Variants in PTPRQ observed in about 807,000 individuals in gnomAD.
PTPRQ encodes the protein protein tyrosine phosphatase receptor type Q, also known as phosphatidylinositol phosphatase PTPRQ.
PTPRQ carries 199 observed loss-of-function variants against 246.0 expected under a neutral mutation model. The observed-to-expected ratio is 0.81, with a 90% CI of 0.72 to 0.91. PTPRQ has a LOEUF of 0.91. Among genes scored for constraint, PTPRQ ranks in the 40% least tolerant of loss-of-function variants. The probability of loss-of-function intolerance (pLI) is 0.00; values close to 1 mark genes in which losing one functional copy is unlikely to be tolerated. For missense variants in PTPRQ, 2,624 were observed against 2,528.4 expected (o/e 1.04, Z -0.81); for synonymous variants, 869 against 853.2 (o/e 1.02, Z -0.32).
rs1429780323 is a variant in PTPRQ, at chr12:80,610,595, G to A, written c.4888G>A (p.Ala1630Thr). The A allele has an allele frequency of 6.5e-7, 1 of 1,543,262 alleles. No individual in the cohort carries two copies. Residue 1630 changes from alanine (A) to threonine (T), a missense_variant, in exon 28 of 45, where the codon GCT becomes ACT. Transcript: ENST00000644991. ...SAAYVEGKSS[A>T]EMIVTTLESA... ...TGCATATGTAGAAGGGAAGTCAAGTGCTGAAATGATTGTTACTACTTTAGA... is the reference window on the plus strand; with the variant it reads ...TGCATATGTAGAAGGGAAGTCAAGTACTGAAATGATTGTTACTACTTTAGA...
intron 17 of PTPRQ, among the ~76,000 whole-genome samples, chr12:80,523,787 A>C (rs1895589874): frequency 6.6e-6 from 1 of 152,152 alleles, no homozygotes; most frequent in Non-Finnish European, 1.5e-5. Flanking sequence ...ACTTCCAACT[A>C]TGTGGTCAAT....
At chr12:80,622,720 T>C (rs1185568532) in intron 33 of PTPRQ, among the ~76,000 whole-genome samples, 1 of 152,080 alleles carries the variant, frequency 6.6e-6, no homozygotes, top group Admixed American at 6.6e-5. Context: ...AGACCTGGGT[T>C]CAAATCTTGG....
chr12:80,678,872 C>A (rs1592788871), intron 44 of PTPRQ, 114 bp from the exon 45 acceptor site: 1 of 1,297,878 alleles, frequency 7.7e-7, no homozygotes, highest in Admixed American at 4.3e-5. Flanking sequence ...TTTCTCTAAT[C>A]CAAGTTGGGC....
intron 9 of PTPRQ, among the ~76,000 whole-genome samples, chr12:80,488,321 T>C (rs1265878599): frequency 1.3e-5 from 2 of 151,994 alleles, no homozygotes; most frequent in African/African-American, 2.4e-5. Flanking sequence ...TGAGAGGCCA[T>C]GCACTACACT....
chr12:80,449,699 G>T (rs931216892), intron 3 of PTPRQ, among the ~76,000 whole-genome samples: 2 of 151,994 alleles, frequency 1.3e-5, no homozygotes, highest in African/African-American at 4.8e-5. Context: ...TATGCGGCAT[G>T]ATTTCGGAGG....
chr12:80,550,832 T>C (rs895279816), intron 25 of PTPRQ, among the ~76,000 whole-genome samples: 1 of 152,166 alleles, frequency 6.6e-6, no homozygotes, highest in Non-Finnish European at 1.5e-5. Flanking sequence ...AGGAATACTC[T>C]CTATTCCATA....
intron 20 of PTPRQ, 60 bp from the exon 21 acceptor site, chr12:80,541,495 A>C (rs1896148724): frequency 1.5e-6 from 2 of 1,304,638 alleles, no homozygotes; most frequent in Non-Finnish European, 2.0e-6. Context: ...TCAGTTTGTG[A>C]ATTTAGATTC....
intron 3 of PTPRQ, among the ~76,000 whole-genome samples, chr12:80,446,889 T>A (rs1235281988): frequency 6.6e-6 from 1 of 152,058 alleles, no homozygotes; most frequent in African/African-American, 2.4e-5. Context: ...TGAGTGATGG[T>A]GTCTTTGTGA....
chr12:80,553,487 T>G (rs1896546870), intron 25 of PTPRQ, among the ~76,000 whole-genome samples: 1 of 152,156 alleles, frequency 6.6e-6, no homozygotes, highest in South Asian at 2.1e-4. Context: ...TTAGTCACAG[T>G]GTATAGCCAG....
At chr12:80,462,059 G>A in intron 6 of PTPRQ, 2 of 695,782 alleles carry the variant, frequency 2.9e-6, no homozygotes, top group South Asian at 1.5e-5. Context: ...AGCAGGGCGA[G>A]GCATTGCCTC....
In PTPRQ at chr12:80,454,541, G is replaced by A. The variant is rs140434432; in HGVS notation, c.391-3034G>A. On this transcript the variant is annotated intron_variant, in intron 3 of 44. Transcript: ENST00000644991. ...TGGTGAGAGTAGACATCCTACTTTT[G>A]TTGCATTTCTTAGGGATAATCCTTT... 6.6e-4 allele frequency: 466 copies of A among 702,370 alleles called. 4 individuals carry two copies. The East Asian group carries it at 0.012, about 19-fold the overall frequency. 43.5% of individuals were successfully genotyped at this position (702,370 alleles called of 1,614,324 possible).
intron 26 of PTPRQ, among the ~76,000 whole-genome samples, chr12:80,592,366 C>A (rs189327172): frequency 1.3e-5 from 2 of 152,074 alleles, no homozygotes; most frequent in Non-Finnish European, 2.9e-5. Context: ...AGACATTTTT[C>A]TAATGATAAA....
chr12:80,478,690 T>A (rs1893915012), intron 8 of PTPRQ, among the ~76,000 whole-genome samples: 1 of 152,158 alleles, frequency 6.6e-6, no homozygotes, highest in South Asian at 2.1e-4. Context: ...AAGGAGCTGA[T>A]GGAACTTATA....
intron 40 of PTPRQ, 93 bp downstream of exon 40, chr12:80,669,234 C>A: frequency 6.5e-7 from 1 of 1,527,544 alleles, no homozygotes; most frequent in East Asian, 2.5e-5. Flanking sequence ...TCATCAATAA[C>A]CTGGACATCT....
intron 33 of PTPRQ, among the ~76,000 whole-genome samples, chr12:80,626,682 G>C (rs1283903896): frequency 6.6e-6 from 1 of 152,104 alleles, no homozygotes; most frequent in African/African-American, 2.4e-5. Context: ...AGTCAGTGCT[G>C]TACTTGTAAC....
In PTPRQ at chr12:80,620,134, CTCTT is replaced by C. The variant is rs772258593; in HGVS notation, c.5390-18_5390-15del. 1.3e-6 allele frequency: 2 copies of C among 1,521,410 alleles called. No homozygotes were observed. The highest frequency in any genetic ancestry group is 4.9e-5 in the East Asian group (2 of 40,488). 94.2% of individuals were successfully genotyped at this position (1,521,410 alleles called of 1,614,324 possible). The stretch of plus-strand genomic sequence containing the variant: ...TCATATGTTACTTGGAATTATTGTT[CTCTT>C]TGTTTCTGAAAACAGCTCAGCATGA... On this transcript the variant is annotated splice_polypyrimidine_tract_variant and intron_variant, in intron 31 of 44. Transcript: ENST00000644991.
At chr12:80,550,992 G>A (rs1896458871) in intron 25 of PTPRQ, among the ~76,000 whole-genome samples, 1 of 151,862 alleles carries the variant, frequency 6.6e-6, no homozygotes, top group South Asian at 2.1e-4. Context: ...TCTTCTCTTA[G>A]GAAGTCCTTG....
Position 80,461,408 on chromosome 12 carries a change from G to C in PTPRQ, c.910+506G>C, listed in dbSNP as rs983039379. The stretch of plus-strand genomic sequence containing the variant: ...GAGACAGTAATAGTACCTTCCTTAG[G>C]GTGCCAGTGTTAAAATTAAATGAGA... On this transcript the variant is annotated intron_variant, in intron 6 of 44. Transcript: ENST00000644991. 3.9e-5 allele frequency among the ~76,000 whole-genome samples: 6 copies of C among 151,972 alleles called. 1 individual carries two copies. In the South Asian group the frequency reaches 1.3e-3, roughly 32 times the overall value.
At position 80,460,785 on chromosome 12, in the gene PTPRQ, C is replaced by A. The variant is rs1337205334; in HGVS notation, c.793C>A (p.Pro265Thr). Reference protein sequence around the residue: ...QNEISSVWKEPISFVVTHLRP... With the variant: ...QNEISSVWKETISFVVTHLRP... ...TGAGATCAGCTCTGTGTGGAAAGAG[C>A]CTATCAGTTTTGTAGTGACACACTT... is the stretch of plus-strand genomic sequence containing the variant. Residue 265 changes from proline (P) to threonine (T), a missense_variant, in exon 6 of 45, where the codon CCT becomes ACT. Transcript: ENST00000644991. 4 of 400,584 alleles carry A rather than the reference C, an allele frequency of 1.0e-5. No individual in the cohort carries two copies. The Middle Eastern group carries it at 1.3e-3, about 126-fold the overall frequency. The allele number at this position is 400,584 out of a possible 1,614,324, so 24.8% of individuals were successfully genotyped here.
Sources: allele counts gnomAD v4.1 joint callset (sites outside exome capture counted in the v4.1 genomes callset), GRCh38; gene constraint gnomAD v4.1.1; transcripts MANE v1.5; gene names NCBI Gene and HGNC (gene_info 2026-07-23, HGNC 2026-07-21).